The following KHDRBS2 variants were observed in gnomAD, a reference collection of about 807,000 sequenced individuals.
KHDRBS2 encodes KH domain-containing, RNA-binding, signal transduction-associated protein 2.
In KHDRBS2, 26 loss-of-function variants were observed where a neutral mutation model predicts 44.3. The ratio of observed to expected loss-of-function variants is 0.59; its 90% CI spans 0.43 to 0.81. The LOEUF is 0.81. Ranked by LOEUF, KHDRBS2 falls within the 40% of genes least tolerant of loss-of-function variation. The probability of loss-of-function intolerance (pLI) is 0.00; values close to 1 mark genes in which losing one functional copy is unlikely to be tolerated. For missense variants in KHDRBS2, 476 were observed against 433.1 expected (o/e 1.10, Z -0.88); for synonymous variants, 194 against 151.1 (o/e 1.28, Z -2.08).
chr6:61,685,237 AT>A (rs1377755767), intron 8 of KHDRBS2, among the ~76,000 whole-genome samples: 1 of 151,856 alleles, frequency 6.6e-6, no homozygotes, highest in Non-Finnish European at 1.5e-5. Flanking sequence ...TGTTTAACTT[AT>A]CTAAGAGAAT....
intron 1 of KHDRBS2, among the ~76,000 whole-genome samples, chr6:62,229,924 C>A (rs1832622165): frequency 6.6e-6 from 1 of 152,204 alleles, no homozygotes; most frequent in South Asian, 2.1e-4. Flanking sequence ...CCAATCTCTG[C>A]TGCTTCTAAT....
At chr6:61,583,716 A>G in the KHDRBS2 span, among the ~76,000 whole-genome samples, 1 of 151,556 alleles carries the variant, frequency 6.6e-6, no homozygotes, top group East Asian at 1.9e-4. Flanking sequence ...TTTAAAATAA[A>G]TTTTTAAATT....
At chr6:61,655,776 A>G in the KHDRBS2 span, among the ~76,000 whole-genome samples, 1 of 152,076 alleles carries the variant, frequency 6.6e-6, no homozygotes, top group South Asian at 2.1e-4. Flanking sequence ...TATTTGTTGA[A>G]GTAGTCCATT....
intron 2 of KHDRBS2, among the ~76,000 whole-genome samples, chr6:62,149,945 TC>T (rs1814763878): frequency 1.3e-5 from 2 of 152,202 alleles, no homozygotes; most frequent in Admixed American, 6.6e-5. Context: ...TCCTTTTTTT[TC>T]ATGTGTGAAG....
chr6:62,001,072 G>T (rs1256611679), intron 3 of KHDRBS2, among the ~76,000 whole-genome samples: 1 of 152,212 alleles, frequency 6.6e-6, no homozygotes, highest in East Asian at 1.9e-4. Context: ...GCCCTTCCTG[G>T]CCTCATTCAG....
At position 61,853,944 on chromosome 6, in the gene KHDRBS2, A is replaced by T. The variant is rs148992007; in HGVS notation, c.810+40691T>A. Among the ~76,000 whole-genome samples, 10 of 152,362 alleles carry T rather than the reference A, an allele frequency of 6.6e-5. No individual in the cohort carries two copies. In the East Asian group the frequency reaches 1.5e-3, roughly 24 times the overall value. ...AAGAATGTTTTTTAGAAACTGCCAC[A>T]GAATATTTTACATTGGCCAGACCTT... is the stretch of plus-strand genomic sequence containing the variant. On this transcript the variant is annotated intron_variant, in intron 6 of 8. Transcript: ENST00000281156.
chr6:61,914,565 G>A (rs1395524205), intron 4 of KHDRBS2, among the ~76,000 whole-genome samples: 3 of 151,856 alleles, frequency 2.0e-5, no homozygotes, highest in Admixed American at 1.3e-4. Context: ...TGTAAATGAC[G>A]AGTTAATGGG....
At chr6:61,932,874 T>C (rs564047132) in intron 4 of KHDRBS2, among the ~76,000 whole-genome samples, 9 of 152,196 alleles carry the variant, frequency 5.9e-5, no homozygotes, top group Admixed American at 2.0e-4. Flanking sequence ...AATACTGTCC[T>C]ACGGGTTCAT....
At chr6:62,230,686 C>T (rs1832755500) in intron 1 of KHDRBS2, among the ~76,000 whole-genome samples, 1 of 152,088 alleles carries the variant, frequency 6.6e-6, no homozygotes, top group Non-Finnish European at 1.5e-5. Flanking sequence ...ATTTGCTACC[C>T]TCTAAAACCT....
intron 6 of KHDRBS2, among the ~76,000 whole-genome samples, chr6:61,807,460 A>G (rs1174307312): frequency 6.6e-6 from 1 of 152,168 alleles, no homozygotes; most frequent in South Asian, 2.1e-4. Flanking sequence ...AAAATGTGGT[A>G]CATATACATC....
intron 2 of KHDRBS2, among the ~76,000 whole-genome samples, chr6:62,129,114 A>T (rs1809655809): frequency 6.6e-6 from 1 of 152,094 alleles, no homozygotes; most frequent in Admixed American, 6.5e-5. Flanking sequence ...AAATTACTCC[A>T]TCTTGCTGCA....
chr6:61,998,786 C>A (rs9453889), intron 3 of KHDRBS2, among the ~76,000 whole-genome samples: 71,453 of 151,816 alleles, frequency 0.47, 18,673 homozygotes, highest in Non-Finnish European at 0.58. Flanking sequence ...CAAAACTCCA[C>A]GACAAAATGG....
intron 1 of KHDRBS2, among the ~76,000 whole-genome samples, chr6:62,194,480 CTTTTTTTTTTTTTTTTTTTTTTT>C (rs70996208): frequency 5.7e-5 from 4 of 69,770 alleles, no homozygotes; most frequent in South Asian, 6.2e-4. Context: ...TCTTTTCTTC[CTTTTTTTTTTTTTTTTTTTTTTT>C]TTTTTTTTTT....
At chr6:61,983,198 C>CGTTTTCTTTCTTTTCTTTCTTTCTTT (rs757938694) in intron 3 of KHDRBS2, among the ~76,000 whole-genome samples, 1 of 27,988 alleles carries the variant, frequency 3.6e-5, no homozygotes, top group Non-Finnish European at 7.1e-5. Flanking sequence ...AAGTTTTTTT[C>CGTTTTCTTTCTTTTCTTTCTTTCTTT]ATTTTCTTTC....
intron 2 of KHDRBS2, among the ~76,000 whole-genome samples, chr6:62,076,331 G>T (rs1275899300): frequency 6.6e-6 from 1 of 151,964 alleles, no homozygotes; most frequent in African/African-American, 2.4e-5. Flanking sequence ...TTCATATGTT[G>T]ACATGATTAA....
intron 3 of KHDRBS2, among the ~76,000 whole-genome samples, chr6:61,999,001 C>T (rs1777736654): frequency 6.6e-6 from 1 of 151,964 alleles, no homozygotes; most frequent in Admixed American, 6.6e-5. Context: ...GTTTTCTTTG[C>T]CTACATTTTC....
At chr6:62,214,595 G>T (rs1407636596) in intron 1 of KHDRBS2, among the ~76,000 whole-genome samples, 5 of 151,808 alleles carry the variant, frequency 3.3e-5, no homozygotes, top group African/African-American at 1.2e-4. Flanking sequence ...AGGACTGGAA[G>T]TGGACAAACA....
intron 2 of KHDRBS2, among the ~76,000 whole-genome samples, chr6:62,084,707 T>A (rs1798084553): frequency 6.6e-6 from 1 of 152,196 alleles, no homozygotes; most frequent in Non-Finnish European, 1.5e-5. Context: ...ATGACAAATG[T>A]GTTTTCTGTA....
chr6:61,597,773 T>TATATATATATATATATATATATACACAC, the KHDRBS2 span, among the ~76,000 whole-genome samples: 1 of 42,354 alleles, frequency 2.4e-5, no homozygotes, highest in East Asian at 1.0e-3. Context: ...TATATATATA[T>TATATATATATATATATATATATACACAC]ACACCAAGAT....
Sources: gnomAD v4.1 joint callset for allele counts (sites outside exome capture counted in the v4.1 genomes callset) on GRCh38, gnomAD v4.1.1 for gene constraint, MANE v1.5 for transcripts, NCBI Gene and HGNC (gene_info 2026-07-23, HGNC 2026-07-21) for gene names.